USH2A: variants seen among roughly 807,000 people sequenced by gnomAD.
The protein encoded by USH2A is usherin.
USH2A carries 443 observed loss-of-function variants against 538.9 expected under a neutral mutation model. That is an observed-to-expected ratio of 0.82 (90% CI 0.76 to 0.89). USH2A has a LOEUF of 0.89. USH2A is among the 40% of genes least tolerant of loss of function. The pLI is 0.00. For missense variants in USH2A, 6,633 were observed against 6,324.8 expected, an observed-to-expected ratio of 1.05 and a Z score of -1.65; for synonymous variants, 2,413 against 2,273.5, an observed-to-expected ratio of 1.06 and a Z score of -1.75.
At chr1:215,976,789 A>G (rs990204729) in intron 35 of USH2A, among the ~76,000 whole-genome samples, 6 of 152,086 alleles carry the variant, frequency 3.9e-5, no homozygotes, top group African/African-American at 1.4e-4. Context: ...GTCTATGTTT[A>G]TCAGGAATAT....
chr1:215,921,272 A>C (rs758124362), intron 38 of USH2A, among the ~76,000 whole-genome samples: 1 of 152,028 alleles, frequency 6.6e-6, no homozygotes, highest in Admixed American at 6.6e-5. Context: ...TTATATCCAC[A>C]CTGGCAAAGG....
chr1:215,755,012 T>G (rs1350797336), intron 58 of USH2A, among the ~76,000 whole-genome samples: 1 of 152,204 alleles, frequency 6.6e-6, no homozygotes, highest in East Asian at 1.9e-4. Context: ...CTTCTAGTCT[T>G]GGCACGCCAC....
intron 51 of USH2A, among the ~76,000 whole-genome samples, chr1:215,787,175 T>G (rs938217085): frequency 3.0e-4 from 45 of 152,148 alleles, no homozygotes; most frequent in African/African-American, 1.1e-3. Flanking sequence ...GGAGACAAAA[T>G]TTACTACCAA....
At chr1:216,319,969 A>T (rs2102648234) in intron 9 of USH2A, among the ~76,000 whole-genome samples, 1 of 152,288 alleles carries the variant, frequency 6.6e-6, no homozygotes, top group African/African-American at 2.4e-5. Flanking sequence ...TTCACAAGTC[A>T]TACATGAGTG....
chr1:216,340,431 A>G (rs1006875706), intron 4 of USH2A, among the ~76,000 whole-genome samples: 1 of 151,890 alleles, frequency 6.6e-6, no homozygotes, highest in African/African-American at 2.4e-5. Flanking sequence ...AGCTGGTACC[A>G]TTCCTTTTGA....
chr1:215,952,503 T>G (rs979183143), intron 37 of USH2A, among the ~76,000 whole-genome samples: 2 of 152,232 alleles, frequency 1.3e-5, no homozygotes, highest in Non-Finnish European at 2.9e-5. Flanking sequence ...GGCATGGTTT[T>G]GCAGTGGCTG....
chr1:216,077,997 G>T, intron 27 of USH2A, 92 bp downstream of exon 27: 1 of 1,505,660 alleles, frequency 6.6e-7, no homozygotes, highest in Non-Finnish European at 9.2e-7. Context: ...CTTTTAGCCT[G>T]AGTCTATTGC....
chr1:215,737,727 C>T (rs1325638949), intron 60 of USH2A, among the ~76,000 whole-genome samples: 1 of 151,854 alleles, frequency 6.6e-6, no homozygotes, highest in East Asian at 1.9e-4. Flanking sequence ...TCCATCTTTC[C>T]ACCCAATACA....
intron 14 of USH2A, among the ~76,000 whole-genome samples, chr1:216,225,001 G>C (rs1184592541): frequency 6.6e-6 from 1 of 151,844 alleles, no homozygotes. Context: ...TTTCAAAGTA[G>C]ATTCAAATGA....
intron 15 of USH2A, among the ~76,000 whole-genome samples, chr1:216,209,274 A>G (rs78984625): frequency 1.3e-5 from 2 of 152,314 alleles, no homozygotes; most frequent in East Asian, 1.9e-4. Flanking sequence ...CTGCTTCTAC[A>G]TGGACACAGG....
chr1:215,895,639 T>G (rs1005662773), intron 40 of USH2A, among the ~76,000 whole-genome samples: 2 of 152,178 alleles, frequency 1.3e-5, no homozygotes, highest in African/African-American at 4.8e-5. Flanking sequence ...ACCCAGGCAG[T>G]AAGACAATTT....
intron 32 of USH2A, among the ~76,000 whole-genome samples, chr1:216,027,830 T>C (rs1669006850): frequency 6.6e-6 from 1 of 152,230 alleles, no homozygotes; most frequent in Non-Finnish European, 1.5e-5. Context: ...AAGATATCAA[T>C]GTTGTATTAA....
At chr1:216,208,882 G>GGGAA (rs1298846759) in intron 15 of USH2A, among the ~76,000 whole-genome samples, 4 of 152,148 alleles carry the variant, frequency 2.6e-5, no homozygotes, top group African/African-American at 9.7e-5. Flanking sequence ...TTGCCAATCA[G>GGGAA]GGAAGCTCCT....
At chr1:216,040,763 T>C (rs959557260) in intron 32 of USH2A, among the ~76,000 whole-genome samples, 7 of 151,962 alleles carry the variant, frequency 4.6e-5, no homozygotes, top group African/African-American at 1.7e-4. Flanking sequence ...ATATAGGTCC[T>C]TCAATCTTTC....
chr1:216,259,845 TA>T (rs1282536719), intron 11 of USH2A, among the ~76,000 whole-genome samples: 2 of 152,080 alleles, frequency 1.3e-5, no homozygotes, highest in African/African-American at 4.8e-5. Context: ...GTAAAACCCA[TA>T]ATTTTAATGA....
At chr1:216,006,794 A>T (rs1668402144) in intron 32 of USH2A, among the ~76,000 whole-genome samples, 4 of 152,172 alleles carry the variant, frequency 2.6e-5, no homozygotes, top group African/African-American at 9.7e-5. Context: ...GGATTTGTTC[A>T]ATGGGTACTG....
intron 44 of USH2A, among the ~76,000 whole-genome samples, chr1:215,849,569 G>A (rs1292347639): frequency 6.6e-6 from 1 of 151,978 alleles, no homozygotes; most frequent in Non-Finnish European, 1.5e-5. Context: ...AATAATTATG[G>A]ATATGAAATG....
At chr1:216,393,089 T>C (rs1293106303) in intron 3 of USH2A, among the ~76,000 whole-genome samples, 4 of 152,222 alleles carry the variant, frequency 2.6e-5, no homozygotes, top group African/African-American at 4.8e-5. Flanking sequence ...AGGAATTGAC[T>C]TGCTTACTAG....
chr1:216,381,995 TG>T (rs1379438507), intron 3 of USH2A, among the ~76,000 whole-genome samples: 1 of 152,214 alleles, frequency 6.6e-6, no homozygotes, highest in East Asian at 1.9e-4. Flanking sequence ...TTGTAGTTCA[TG>T]GGTCAACTGT....
Sources: allele counts gnomAD v4.1 joint callset (sites outside exome capture counted in the v4.1 genomes callset), GRCh38; gene constraint gnomAD v4.1.1; transcripts MANE v1.5; gene names NCBI Gene and HGNC (gene_info 2026-07-23, HGNC 2026-07-21).